Variants in DOCK3 observed in about 807,000 individuals in gnomAD.
DOCK3 encodes dedicator of cytokinesis 3, also known as dedicator of cytokinesis protein 3.
Under a neutral mutation model 265.6 loss-of-function variants are expected in DOCK3, and 60 were observed. That is an observed-to-expected ratio of 0.23 (90% CI 0.18 to 0.28). The LOEUF is 0.28. Ranked by LOEUF, DOCK3 falls within the 10% of genes least tolerant of loss-of-function variation. The pLI, the probability that DOCK3 is intolerant of heterozygous loss-of-function variation, is 1.00. For missense variants in DOCK3, 1,981 were observed against 2,594.3 expected, an observed-to-expected ratio of 0.76 and a Z score of 5.14; for synonymous variants, 881 against 938.0, an observed-to-expected ratio of 0.94 and a Z score of 1.11.
chr3:51,032,011 G>A (rs2080068467), intron 5 of DOCK3, among the ~76,000 whole-genome samples: 1 of 152,108 alleles, frequency 6.6e-6, no homozygotes, highest in African/African-American at 2.4e-5. Context: ...AAGTACCCAA[G>A]TATAAGTATT....
intron 21 of DOCK3, among the ~76,000 whole-genome samples, chr3:51,240,507 A>G (rs1264836985): frequency 6.6e-6 from 1 of 152,154 alleles, no homozygotes; most frequent in African/African-American, 2.4e-5. Context: ...TGTCTTGATG[A>G]TCTGTCTAAT....
intron 1 of DOCK3, among the ~76,000 whole-genome samples, chr3:50,683,206 G>C (rs1414275938): frequency 6.6e-6 from 1 of 152,102 alleles, no homozygotes; most frequent in East Asian, 1.9e-4. Flanking sequence ...CCTCCATCCT[G>C]AACTTGTGTG....
chr3:51,375,729 GT>G lies in DOCK3; in HGVS notation c.5413-16del, dbSNP rs1397299108. On this transcript the variant is annotated intron_variant, in intron 50 of 52. Coordinates refer to ENST00000266037, the MANE Select transcript of DOCK3 (RefSeq NM_004947.5). ...ATTGGTTGTTTTCACTCTCTGTAAT[GT>G]TTATCTCCTTCCTTCAGCCGCCGAA... 6.2e-7 allele frequency: 1 copy of G among 1,613,808 alleles called. No homozygotes were observed. Among genetic ancestry groups the G allele is most frequent in the African/African-American group, 1.3e-5 (1 of 74,910 alleles).
intron 5 of DOCK3, among the ~76,000 whole-genome samples, chr3:50,970,948 A>AATGTG (rs1491447563): frequency 3.9e-5 from 2 of 51,758 alleles, no homozygotes; most frequent in East Asian, 9.5e-4. Flanking sequence ...TATATATATA[A>AATGTG]TGTGTGTGTG....
At chr3:51,044,270 C>T (rs898201149) in intron 5 of DOCK3, among the ~76,000 whole-genome samples, 1 of 152,082 alleles carries the variant, frequency 6.6e-6, no homozygotes, top group Admixed American at 6.6e-5. Context: ...AGATTATGTC[C>T]TTTGTAGGGA....
intron 7 of DOCK3, 34 bp downstream of exon 7, chr3:51,075,474 C>A: frequency 6.8e-7 from 1 of 1,481,406 alleles, no homozygotes; most frequent in Non-Finnish European, 9.2e-7. Context: ...CTTGTTCCTG[C>A]ATACCTCATT....
Position 51,089,148 on chromosome 3 carries a change from A to G in DOCK3, c.550-95A>G, listed in dbSNP as rs147066518. On this transcript the variant is annotated intron_variant, in intron 7 of 52. Coordinates refer to ENST00000266037, the MANE Select transcript of DOCK3 (RefSeq NM_004947.5). ...CAGAATTAAATGAGATCATGAATAT[A>G]AAAGGCATAGCAGACTGCCCAGCAT... 186 of 1,232,888 alleles carry G rather than the reference A, an allele frequency of 1.5e-4. No individual in the cohort carries two copies. The African/African-American group carries it at 2.6e-3, about 17-fold the overall frequency. The allele number at this position is 1,232,888 out of a possible 1,614,324, so 76.4% of individuals were successfully genotyped here. A position where few individuals can be genotyped will look rare whatever the true frequency, so the allele number is the denominator to read the frequency against.
At chr3:50,966,187 T>C (rs1463751401) in intron 5 of DOCK3, among the ~76,000 whole-genome samples, 1 of 152,204 alleles carries the variant, frequency 6.6e-6, no homozygotes, top group Non-Finnish European at 1.5e-5. Flanking sequence ...AATGTTATTG[T>C]ATATATTCCA....
At chr3:51,263,107 A>G (rs2079951932) in intron 23 of DOCK3, among the ~76,000 whole-genome samples, 1 of 152,232 alleles carries the variant, frequency 6.6e-6, no homozygotes, top group Non-Finnish European at 1.5e-5. Flanking sequence ...CAGCCCCAAG[A>G]CACATAATCG....
chr3:51,227,522 T>C (rs1239306502), intron 16 of DOCK3, 77 bp downstream of exon 16: 2 of 1,563,752 alleles, frequency 1.3e-6, no homozygotes, highest in Non-Finnish European at 1.7e-6. Context: ...CAGAATTAAG[T>C]GGATTCTTAT....
intron 1 of DOCK3, among the ~76,000 whole-genome samples, chr3:50,733,524 A>G (rs1469410171): frequency 6.6e-6 from 1 of 152,200 alleles, no homozygotes; most frequent in East Asian, 1.9e-4. Flanking sequence ...ATTTTGTCTG[A>G]TACAAGTATA....
At chr3:51,290,452 A>G (rs993664001) in intron 27 of DOCK3, among the ~76,000 whole-genome samples, 2 of 151,952 alleles carry the variant, frequency 1.3e-5, no homozygotes, top group African/African-American at 2.4e-5. Flanking sequence ...TCCAAACACC[A>G]CATGTTCTCA....
intron 9 of DOCK3, among the ~76,000 whole-genome samples, chr3:51,135,152 G>A (rs1437875078): frequency 6.6e-6 from 1 of 152,080 alleles, no homozygotes; most frequent in Non-Finnish European, 1.5e-5. Flanking sequence ...CAGAGACCTC[G>A]AATTCAGTAT....
Position 51,070,435 on chromosome 3 carries a change from C to G in DOCK3, c.465-4921C>G, listed in dbSNP as rs191626659. Among the ~76,000 whole-genome samples, 247 of 152,198 alleles carry G rather than the reference C, an allele frequency of 1.6e-3. 1 individual carries two copies. The highest frequency in any genetic ancestry group is 6.5e-3 in the Admixed American group (99 of 15,304). ...GCCCAGCTCAACTCCTTTAACAGGC[C>G]ACTTAGTTAACCTCAGTGGGCCTCA... On this transcript the variant is annotated intron_variant, in intron 6 of 52. Transcript: ENST00000266037.
intron 1 of DOCK3, among the ~76,000 whole-genome samples, chr3:50,772,977 CTAAAG>C (rs2041368466): frequency 6.6e-6 from 1 of 151,574 alleles, no homozygotes; most frequent in Non-Finnish European, 1.5e-5. Flanking sequence ...CCCTAAATAG[CTAAAG>C]TAATGTTGAG....
At chr3:50,807,004 C>A (rs1294231680) in intron 2 of DOCK3, among the ~76,000 whole-genome samples, 2 of 151,994 alleles carry the variant, frequency 1.3e-5, no homozygotes, top group African/African-American at 4.8e-5. Context: ...ATGGGAAGTC[C>A]CTCCTGTCTC....
chr3:50,791,793 GT>G (rs560494577), intron 2 of DOCK3, among the ~76,000 whole-genome samples: 54 of 152,236 alleles, frequency 3.5e-4, no homozygotes, highest in African/African-American at 1.3e-3. Flanking sequence ...CTCTGTGTTT[GT>G]TTTTTGTACT....
At chr3:51,235,957 TG>T (rs1212971664) in intron 19 of DOCK3, among the ~76,000 whole-genome samples, 1 of 152,228 alleles carries the variant, frequency 6.6e-6, no homozygotes, top group African/African-American at 2.4e-5. Flanking sequence ...ACTGAACTTT[TG>T]GGGATACCAG....
chr3:51,300,683 T>A (rs1358806219), intron 27 of DOCK3, among the ~76,000 whole-genome samples: 1 of 152,220 alleles, frequency 6.6e-6, no homozygotes, highest in Non-Finnish European at 1.5e-5. Context: ...TCTTTTGCTC[T>A]GTTTATGTGC....
Sources: gnomAD v4.1 joint callset for allele counts (sites outside exome capture counted in the v4.1 genomes callset) on GRCh38, gnomAD v4.1.1 for gene constraint, MANE v1.5 for transcripts, NCBI Gene and HGNC (gene_info 2026-07-23, HGNC 2026-07-21) for gene names.